The following PTPRT variants were observed in gnomAD, a reference collection of about 807,000 sequenced individuals.
The protein encoded by PTPRT is protein tyrosine phosphatase receptor type T.
A neutral mutation model predicts 176.8 loss-of-function variants in PTPRT; 56 were observed. The observed-to-expected ratio is 0.32, with a 90% confidence interval of 0.26 to 0.40. The LOEUF is 0.40. Among genes scored for constraint, PTPRT ranks in the 10% least tolerant of loss-of-function variants. The pLI is 1.00. For synonymous variants in PTPRT, 783 were observed against 739.0 expected, an observed-to-expected ratio of 1.06 and a Z score of -0.96; for missense variants, 1,540 against 1,908.2, an observed-to-expected ratio of 0.81 and a Z score of 3.60.
chr20:42,759,450 G>A (rs1348934507), intron 5 of PTPRT, among the ~76,000 whole-genome samples: 1 of 152,170 alleles, frequency 6.6e-6, no homozygotes, highest in African/African-American at 2.4e-5. Context: ...CAGATCACGA[G>A]GTCAGGAGAT....
rs996885619 is a variant in PTPRT at position 42,693,499 on chromosome 20, T to C, written c.860-15340A>G. On this transcript the variant is annotated intron_variant, in intron 6 of 30. Coordinates refer to ENST00000373187, the MANE Select transcript of PTPRT (RefSeq NM_007050.6). ...TAATTAAGAAAATGAGGTATTAAGCTACAGTAATTAAGAAATTGAAAAACA... is the reference window on the plus strand; with the variant it reads ...TAATTAAGAAAATGAGGTATTAAGCCACAGTAATTAAGAAATTGAAAAACA... Among the ~76,000 whole-genome samples the C allele has an allele frequency of 2.0e-5, 3 of 152,170 alleles. No homozygotes were observed. In the South Asian group the frequency reaches 6.2e-4, roughly 32 times the overall value.
At chr20:42,729,500 G>T (rs542144947) in intron 6 of PTPRT, among the ~76,000 whole-genome samples, 1 of 152,202 alleles carries the variant, frequency 6.6e-6, no homozygotes, top group Non-Finnish European at 1.5e-5. Flanking sequence ...GTCAGCTCTC[G>T]CTGCATGCAA....
intron 7 of PTPRT, among the ~76,000 whole-genome samples, chr20:42,541,167 C>T (rs939698122): frequency 1.3e-5 from 2 of 151,838 alleles, no homozygotes; most frequent in African/African-American, 4.8e-5. Context: ...ATGTCAACAC[C>T]CCATAGGTTA....
At chr20:42,166,978 C>G (rs1989853975) in intron 16 of PTPRT, among the ~76,000 whole-genome samples, 1 of 151,870 alleles carries the variant, frequency 6.6e-6, no homozygotes, top group Non-Finnish European at 1.5e-5. Context: ...CAATCTGCAC[C>G]CTGAGAAATG....
rs117874306 is a variant in PTPRT, at chr20:42,318,194, T to C, written c.1866-2198A>G. Among the ~76,000 whole-genome samples the C allele has an allele frequency of 2.9e-3, 442 of 152,300 alleles. 2 individuals are homozygous for C. Among genetic ancestry groups the C allele is most frequent in the Admixed American group, 7.1e-3 (109 of 15,294 alleles). ...AAGTCAATAAACGTTTAAATTAAAT[T>C]ATGATTTCAATAATCACTTCCTCCT... On this transcript the variant is annotated intron_variant, in intron 11 of 30. Coordinates refer to ENST00000373187, the MANE Select transcript of PTPRT (RefSeq NM_007050.6).
rs11468131 is a variant in PTPRT at position 42,590,927 on chromosome 20, C to CGTGTGT, written c.1153+86933_1153+86938dup. Among the ~76,000 whole-genome samples the CGTGTGT allele has an allele frequency of 2.4e-3, 316 of 131,080 alleles. 2 individuals carry two copies. Among genetic ancestry groups the CGTGTGT allele is most frequent in the African/African-American group, 4.2e-3 (151 of 36,084 alleles). 86.0% of individuals were successfully genotyped at this position (131,080 alleles called of 152,430 possible). ...AGATCTAAATGTTACAGAGATTTAGCGTGTGTGTGTGTGTGTGTGTGTGTG... is the reference window on the plus strand; with the variant it reads ...AGATCTAAATGTTACAGAGATTTAGCGTGTGTGTGTGTGTGTGTGTGTGTGTGTGTG... On this transcript the variant is annotated intron_variant, in intron 7 of 30. Coordinates refer to ENST00000373187, the MANE Select transcript of PTPRT (RefSeq NM_007050.6).
At chr20:42,913,828 T>C (rs1234474627) in intron 1 of PTPRT, among the ~76,000 whole-genome samples, 3 of 152,312 alleles carry the variant, frequency 2.0e-5, no homozygotes, top group East Asian at 3.9e-4. Context: ...GTCCCAAGCA[T>C]TGGGGGTGTT....
At chr20:42,578,615 C>A (rs2073307668) in intron 7 of PTPRT, among the ~76,000 whole-genome samples, 1 of 152,194 alleles carries the variant, frequency 6.6e-6, no homozygotes, top group African/African-American at 2.4e-5. Context: ...CTTTTTCTCA[C>A]TTCCACTACC....
intron 7 of PTPRT, among the ~76,000 whole-genome samples, chr20:42,519,732 A>T (rs1467967405): frequency 6.6e-6 from 1 of 152,122 alleles, no homozygotes; most frequent in Non-Finnish European, 1.5e-5. Flanking sequence ...AAGAATATGT[A>T]TTCTGACGTC....
intron 27 of PTPRT, among the ~76,000 whole-genome samples, chr20:42,097,794 G>T (rs766802137): frequency 2.0e-5 from 3 of 152,242 alleles, no homozygotes; most frequent in Non-Finnish European, 4.4e-5. Context: ...TTCCACCCCA[G>T]AATGGCTGCC....
At chr20:42,466,666 T>C (rs1287079902) in intron 8 of PTPRT, among the ~76,000 whole-genome samples, 2 of 151,676 alleles carry the variant, frequency 1.3e-5, no homozygotes, top group East Asian at 3.8e-4. Flanking sequence ...ATAAAATGTG[T>C]TGAATTTGAA....
chr20:42,889,694 C>A (rs1024890103), intron 1 of PTPRT, among the ~76,000 whole-genome samples: 2 of 152,180 alleles, frequency 1.3e-5, no homozygotes, highest in Admixed American at 1.3e-4. Flanking sequence ...CCCAGCAAAG[C>A]AGGGAATTTC....
chr20:42,672,243 G>A (rs1046374738), intron 7 of PTPRT, among the ~76,000 whole-genome samples: 4 of 152,154 alleles, frequency 2.6e-5, no homozygotes, highest in Admixed American at 6.5e-5. Flanking sequence ...CTGCCAGCAT[G>A]GCCAGAATAA....
intron 1 of PTPRT, among the ~76,000 whole-genome samples, chr20:43,020,906 C>A (rs1349467139): frequency 6.6e-6 from 1 of 152,044 alleles, no homozygotes; most frequent in African/African-American, 2.4e-5. Flanking sequence ...ACTTTAGGCA[C>A]CTGCTTAGAG....
At chr20:42,438,061 A>G (rs2059278529) in intron 9 of PTPRT, among the ~76,000 whole-genome samples, 1 of 152,208 alleles carries the variant, frequency 6.6e-6, no homozygotes, top group Non-Finnish European at 1.5e-5. Context: ...AGCCAGGGAG[A>G]AAGTTCCATC....
At position 42,074,696 on chromosome 20, in the gene PTPRT, GT is replaced by G. The variant is rs1982605045; in HGVS notation, c.*6182del. The G allele has an allele frequency of 2.5e-6, 1 of 398,270 alleles. No individual in the cohort carries two copies. The highest frequency in any genetic ancestry group is 2.1e-5 in the African/African-American group (1 of 48,620). 24.7% of individuals were successfully genotyped at this position (398,270 alleles called of 1,614,324 possible). ...GATGCTAGGTTTGGAGGCTACCATT[GT>G]GAGTGTTGATGCCTCCTTTTAGAGA... On this transcript the variant is annotated 3_prime_UTR_variant, in exon 31 of 31. Transcript: ENST00000373187.
intron 1 of PTPRT, among the ~76,000 whole-genome samples, chr20:43,131,741 A>G (rs1169347288): frequency 6.6e-6 from 1 of 152,204 alleles, no homozygotes; most frequent in Non-Finnish European, 1.5e-5. Flanking sequence ...TAACTTATGA[A>G]CATAAACAAA....
rs8118609 is a variant in PTPRT, at chr20:42,416,038, G to T, written c.1560+32182C>A. Among the ~76,000 whole-genome samples the T allele has an allele frequency of 4.0e-3, 609 of 152,296 alleles. 4 individuals are homozygous for T. Among genetic ancestry groups the T allele is most frequent in the African/African-American group, 0.014 (594 of 41,566 alleles). On this transcript the variant is annotated intron_variant, in intron 9 of 30. Coordinates refer to ENST00000373187, the MANE Select transcript of PTPRT (RefSeq NM_007050.6). ...ATGGTGACTCCTAAAAGATACATCT[G>T]CTCAGAACCTGGAATTGTGATCTTA...
intron 14 of PTPRT, among the ~76,000 whole-genome samples, chr20:42,244,151 G>C (rs975471326): frequency 1.3e-5 from 2 of 152,192 alleles, no homozygotes; most frequent in African/African-American, 4.8e-5. Context: ...CAAAGGCTAA[G>C]ATTTGTTAAG....
Sources: gnomAD v4.1 joint callset for allele counts (sites outside exome capture counted in the v4.1 genomes callset) on GRCh38, gnomAD v4.1.1 for gene constraint, MANE v1.5 for transcripts, NCBI Gene and HGNC (gene_info 2026-07-23, HGNC 2026-07-21) for gene names.